Variants in ATF6 observed in about 807,000 individuals in gnomAD.
ATF6 encodes activating transcription factor 6.
A neutral mutation model predicts 83.6 loss-of-function variants in ATF6; 53 were observed. The observed-to-expected ratio is 0.63, with a 90% CI of 0.51 to 0.80. The LOEUF (loss-of-function observed/expected upper bound fraction) is 0.80, where lower values mean the gene tolerates loss of function less well. Among genes scored for constraint, ATF6 ranks in the 30% least tolerant of loss-of-function variants. ATF6 has a pLI of 0.00. For missense variants in ATF6, 744 were observed against 797.9 expected (o/e 0.93, Z 0.81); for synonymous variants, 288 against 285.8 (o/e 1.01, Z -0.08).
rs572943156 is a variant in ATF6 at position 161,803,850 on chromosome 1, G to A, written c.909+1578G>A. On this transcript the variant is annotated intron_variant, in intron 7 of 15. Coordinates refer to ENST00000367942, the MANE Select transcript of ATF6 (RefSeq NM_007348.4). ...AATGCTTTGAAATTTCTTTTTTTTT[G>A]TTTTATTATACTTTAAGTTTTAGGA... Among the ~76,000 whole-genome samples the A allele has an allele frequency of 9.3e-5, 14 of 149,736 alleles. No individual in the cohort carries two copies. In the South Asian group the frequency reaches 3.0e-3, roughly 32 times the overall value.
intron 14 of ATF6, among the ~76,000 whole-genome samples, chr1:161,908,676 C>T (rs1687925430): frequency 6.6e-6 from 1 of 152,128 alleles, no homozygotes. Context: ...TTCAGGAGTC[C>T]ATTCGAAGAT....
In ATF6 at chr1:161,958,737, GGTGGCAGGCAGAGAACT is replaced by G. The variant is rs1689020840; in HGVS notation, c.*86_*102del. 8.4e-7 allele frequency: 1 copy of G among 1,187,056 alleles called. No homozygotes were observed. The highest frequency in any genetic ancestry group is 1.2e-6 in the Non-Finnish European group (1 of 853,582). The allele number at this position is 1,187,056 out of a possible 1,614,324, so 73.5% of individuals were successfully genotyped here. A position where few individuals can be genotyped will look rare whatever the true frequency, so the allele number is the denominator to read the frequency against. Reference sequence around the variant, plus strand: ...TGAGCAAAATGCTGCTTTCTGCCTTGGTGGCAGGCAGAGAACTGTCTCGTACTAGAATTCAAGGAGGA... The same window carrying G: ...TGAGCAAAATGCTGCTTTCTGCCTTGGTCTCGTACTAGAATTCAAGGAGGA... On this transcript the variant is annotated 3_prime_UTR_variant, in exon 16 of 16. Transcript: ENST00000367942.
chr1:161,933,889 A>G (rs1688483836), intron 15 of ATF6, among the ~76,000 whole-genome samples: 1 of 152,182 alleles, frequency 6.6e-6, no homozygotes, highest in Admixed American at 6.5e-5. Flanking sequence ...CCTCTTACCC[A>G]GATCGTTACA....
chr1:161,878,233 C>T (rs1348894044), intron 14 of ATF6, among the ~76,000 whole-genome samples: 1 of 152,100 alleles, frequency 6.6e-6, no homozygotes, highest in Admixed American at 6.5e-5. Flanking sequence ...CCTGCCTCAG[C>T]CTCCTGAGAA....
intron 1 of ATF6, among the ~76,000 whole-genome samples, chr1:161,767,862 C>T (rs1343337708): frequency 6.6e-6 from 1 of 152,002 alleles, no homozygotes; most frequent in Admixed American, 6.6e-5. Context: ...CTTTTCTTTA[C>T]CTCTTTTTTT....
At chr1:161,873,809 C>A (rs368393800) in intron 14 of ATF6, among the ~76,000 whole-genome samples, 4 of 151,602 alleles carry the variant, frequency 2.6e-5, no homozygotes, top group South Asian at 4.2e-4. Context: ...GGGCAGGAAC[C>A]CTCTATCTTA....
intron 1 of ATF6, among the ~76,000 whole-genome samples, chr1:161,766,657 G>A (rs915942397): frequency 1.3e-5 from 2 of 152,228 alleles, no homozygotes; most frequent in African/African-American, 2.4e-5. Context: ...TCTAACTGGA[G>A]TTAACTGTCG....
intron 15 of ATF6, among the ~76,000 whole-genome samples, chr1:161,928,890 G>GC (rs1175143659): frequency 2.0e-5 from 3 of 152,014 alleles, no homozygotes; most frequent in Non-Finnish European, 2.9e-5. Context: ...GAAATCTTCC[G>GC]CCCCCTATTC....
At chr1:161,766,497 C>T (rs1450900294) in intron 1 of ATF6, 55 bp downstream of exon 1, 20 of 1,559,704 alleles carry the variant, frequency 1.3e-5, no homozygotes, top group East Asian at 4.5e-5. Context: ...CTAAAGGTTT[C>T]TTCCTCCCTA....
intron 2 of ATF6, among the ~76,000 whole-genome samples, chr1:161,780,523 G>A (rs1039710078): frequency 1.2e-4 from 18 of 151,802 alleles, no homozygotes; most frequent in African/African-American, 2.2e-4. Context: ...CCAGGCACCC[G>A]CCACCACGCC....
intron 2 of ATF6, among the ~76,000 whole-genome samples, chr1:161,780,479 T>G (rs1048179504): frequency 2.8e-4 from 43 of 151,932 alleles, no homozygotes; most frequent in African/African-American, 1.0e-3. Context: ...GTTCACACCA[T>G]TCTCCTGCCT....
intron 15 of ATF6, among the ~76,000 whole-genome samples, chr1:161,932,032 T>G (rs556820057): frequency 3.3e-5 from 5 of 152,076 alleles, no homozygotes; most frequent in Non-Finnish European, 7.4e-5. Context: ...GAACCAACAT[T>G]TTTTTTGGTT....
intron 14 of ATF6, among the ~76,000 whole-genome samples, chr1:161,875,690 T>G (rs529361676): frequency 1.3e-5 from 2 of 151,838 alleles, no homozygotes; most frequent in Admixed American, 6.6e-5. Context: ...GCTAAACAAC[T>G]ATAATTTATC....
At chr1:161,935,982 GA>G (rs1183956293) in intron 15 of ATF6, among the ~76,000 whole-genome samples, 1 of 152,148 alleles carries the variant, frequency 6.6e-6, no homozygotes, top group African/African-American at 2.4e-5. Flanking sequence ...AGGCCTCAGA[GA>G]AAAAGCCTTA....
At chr1:161,882,397 A>G (rs979503573) in intron 14 of ATF6, among the ~76,000 whole-genome samples, 16 of 152,092 alleles carry the variant, frequency 1.1e-4, no homozygotes, top group African/African-American at 3.6e-4. Flanking sequence ...CAAAGAACTA[A>G]AAATAAGCCT....
chr1:161,866,311 C>T (rs143439841), intron 14 of ATF6, among the ~76,000 whole-genome samples: 33 of 152,310 alleles, frequency 2.2e-4, no homozygotes, highest in African/African-American at 7.5e-4. Flanking sequence ...CTCTCCCAAA[C>T]TTACACTCCC....
intron 14 of ATF6, among the ~76,000 whole-genome samples, chr1:161,900,150 A>G (rs1169687388): frequency 6.6e-6 from 1 of 152,206 alleles, no homozygotes; most frequent in East Asian, 1.9e-4. Context: ...AGTTTTTATT[A>G]AATGTATAGC....
intron 12 of ATF6, among the ~76,000 whole-genome samples, chr1:161,853,942 G>T (rs555158693): frequency 6.0e-4 from 91 of 152,298 alleles, no homozygotes; most frequent in African/African-American, 2.1e-3. Context: ...CTGAAATAAA[G>T]TAATGGGTAT....
intron 15 of ATF6, among the ~76,000 whole-genome samples, chr1:161,916,756 T>G (rs982269919): frequency 1.3e-5 from 2 of 152,234 alleles, no homozygotes; most frequent in African/African-American, 4.8e-5. Flanking sequence ...TTAGGTATAA[T>G]GTACATACAA....
Sources: gnomAD v4.1 joint callset for allele counts (sites outside exome capture counted in the v4.1 genomes callset) on GRCh38, gnomAD v4.1.1 for gene constraint, MANE v1.5 for transcripts, NCBI Gene and HGNC (gene_info 2026-07-23, HGNC 2026-07-21) for gene names.